BACH2: variants seen among roughly 807,000 people sequenced by gnomAD.
BACH2 encodes the protein transcription regulator protein BACH2.
A neutral mutation model predicts 61.8 loss-of-function variants in BACH2; 5 were observed. The ratio of observed to expected loss-of-function variants is 0.08; its 90% CI spans 0.04 to 0.17. BACH2 has a LOEUF of 0.17. Ranked by LOEUF, BACH2 falls within the 10% of genes least tolerant of loss-of-function variation. The pLI is 1.00. For synonymous variants in BACH2, 446 were observed against 440.1 expected, an observed-to-expected ratio of 1.01 and a Z score of -0.17; for missense variants, 824 against 1,091.1, an observed-to-expected ratio of 0.76 and a Z score of 3.45.
At chr6:90,107,434 T>G (rs1350299250) in intron 4 of BACH2, among the ~76,000 whole-genome samples, 3 of 152,068 alleles carry the variant, frequency 2.0e-5, no homozygotes, top group Non-Finnish European at 4.4e-5. Flanking sequence ...AACAATACAT[T>G]TGCCAATATA....
chr6:89,993,378 C>T (rs1562352747), intron 6 of BACH2, among the ~76,000 whole-genome samples: 1 of 151,944 alleles, frequency 6.6e-6, no homozygotes, highest in Non-Finnish European at 1.5e-5. Flanking sequence ...ATTTAGGGAG[C>T]AACTCTATAT....
intron 4 of BACH2, among the ~76,000 whole-genome samples, chr6:90,203,272 A>G (rs543248910): frequency 2.0e-5 from 3 of 149,670 alleles, no homozygotes; most frequent in East Asian, 4.0e-4. Flanking sequence ...TTAGCCAGGT[A>G]TGGTGGCACA....
intron 8 of BACH2, 105 bp from the exon 9 acceptor site, chr6:89,932,995 T>C (rs1772768056): frequency 1.6e-6 from 2 of 1,281,848 alleles, no homozygotes; most frequent in African/African-American, 1.5e-5. Context: ...TCCATTATAA[T>C]GTAACTCAAG....
chr6:90,106,070 T>C (rs761100630), intron 4 of BACH2, among the ~76,000 whole-genome samples: 1 of 152,202 alleles, frequency 6.6e-6, no homozygotes, highest in Non-Finnish European at 1.5e-5. Context: ...AATACATTTT[T>C]CTTTTTCTCT....
chr6:90,194,494 T>C (rs531320887), intron 4 of BACH2, among the ~76,000 whole-genome samples: 3 of 152,320 alleles, frequency 2.0e-5, no homozygotes, highest in Non-Finnish European at 4.4e-5. Flanking sequence ...GATCATAGCA[T>C]CTGGATTCAA....
intron 2 of BACH2, among the ~76,000 whole-genome samples, chr6:90,259,502 T>C (rs1604830): frequency 0.25 from 37,603 of 152,184 alleles, 5,582 homozygotes; most frequent in Non-Finnish European, 0.34. Context: ...TTTGCACCAA[T>C]ATTCATCAGA....
chr6:89,971,747 A>C (rs6917758), intron 6 of BACH2, among the ~76,000 whole-genome samples: 34,228 of 152,170 alleles, frequency 0.22, 4,364 homozygotes, highest in Non-Finnish European at 0.29. Context: ...ATGAGAGCCA[A>C]GCGAACAGGG....
chr6:90,014,944 A>ATTTTTTTTT (rs386407909), intron 5 of BACH2, among the ~76,000 whole-genome samples: 7 of 133,652 alleles, frequency 5.2e-5, no homozygotes, highest in African/African-American at 2.0e-4. Flanking sequence ...ATGTTCAGCT[A>ATTTTTTTTT]TTTTTTTTTT....
In BACH2 at chr6:89,951,722, G is replaced by A; in HGVS notation, c.384C>T (p.Phe128=). The change falls in exon 7 of 9, where the codon TTC becomes TTT. Residue 128 remains phenylalanine (F), a synonymous_variant. Transcript: ENST00000257749. This position sits in a 1 kb window ranked among gnomAD's most constrained non-coding sequence, Gnocchi z 6.4. The part of the protein sequence containing the change: ...MHNLEDSCFS[F]LQTQLLNSED... ...CACTGTTCAGGAGCTGGGTCTGCAG[G>A]AAGCTGAAGCAGGAGTCCTCCAGGT... is the stretch of plus-strand genomic sequence containing the variant. 6.2e-7 allele frequency: 1 copy of A among 1,614,238 alleles called. No homozygotes were observed. Among genetic ancestry groups the A allele is most frequent in the Non-Finnish European group, 8.5e-7 (1 of 1,180,050 alleles).
chr6:90,227,289 C>T (rs1465762522), intron 3 of BACH2, among the ~76,000 whole-genome samples: 2 of 152,232 alleles, frequency 1.3e-5, no homozygotes, highest in Admixed American at 6.5e-5. Context: ...CATGATCCCT[C>T]GGGCGGTATA....
intron 4 of BACH2, among the ~76,000 whole-genome samples, chr6:90,162,965 C>T (rs1582436270): frequency 6.6e-6 from 1 of 152,268 alleles, no homozygotes; most frequent in East Asian, 1.9e-4. Context: ...GAGAACTTTG[C>T]TACTCAAATA....
intron 6 of BACH2, among the ~76,000 whole-genome samples, chr6:89,967,243 C>T (rs974909635): frequency 6.6e-6 from 1 of 152,170 alleles, no homozygotes; most frequent in Admixed American, 6.5e-5. Flanking sequence ...TTATTTATAG[C>T]TCGTAACTGG....
At chr6:90,186,878 T>C (rs1206017849) in intron 4 of BACH2, among the ~76,000 whole-genome samples, 4 of 152,226 alleles carry the variant, frequency 2.6e-5, no homozygotes, top group African/African-American at 9.6e-5. Context: ...GTGTCAGAGC[T>C]GGAATTTGAA....
chr6:89,965,727 T>C (rs928934653), intron 6 of BACH2, among the ~76,000 whole-genome samples: 1 of 152,230 alleles, frequency 6.6e-6, no homozygotes, highest in Non-Finnish European at 1.5e-5. Context: ...AGTCATATTT[T>C]CCACCTGAAA....
At chr6:90,082,104 A>T (rs770446730) in intron 5 of BACH2, among the ~76,000 whole-genome samples, 32 of 152,350 alleles carry the variant, frequency 2.1e-4, no homozygotes, top group Non-Finnish European at 8.8e-5. Context: ...TCAGAATTTG[A>T]TTGGAGTTCA....
At chr6:90,038,315 C>A (rs911432842) in intron 5 of BACH2, among the ~76,000 whole-genome samples, 2 of 152,190 alleles carry the variant, frequency 1.3e-5, no homozygotes, top group Non-Finnish European at 2.9e-5. Flanking sequence ...CTCCTTCATG[C>A]CCCATCCCAG....
chr6:90,275,337 A>C (rs1200929200), intron 1 of BACH2, among the ~76,000 whole-genome samples: 1 of 152,162 alleles, frequency 6.6e-6, no homozygotes, highest in African/African-American at 2.4e-5. Context: ...CTTGAAAATT[A>C]TTTGGTTTCT....
intron 8 of BACH2, among the ~76,000 whole-genome samples, chr6:89,934,474 A>G (rs1461807018): frequency 3.3e-5 from 5 of 152,170 alleles, no homozygotes; most frequent in African/African-American, 1.2e-4. Flanking sequence ...CCTGGCCAAC[A>G]TGGTGAAACC....
chr6:90,028,749 C>T (rs997648874), intron 5 of BACH2, among the ~76,000 whole-genome samples: 11 of 152,044 alleles, frequency 7.2e-5, no homozygotes, highest in Admixed American at 2.0e-4. Flanking sequence ...CAAGGTAGTG[C>T]AGTGGTTGTG....
Sources: allele counts gnomAD v4.1 joint callset (sites outside exome capture counted in the v4.1 genomes callset), GRCh38; gene constraint gnomAD v4.1.1; non-coding constraint Gnocchi (gnomAD v3.1); transcripts MANE v1.5; gene names NCBI Gene and HGNC (gene_info 2026-07-23, HGNC 2026-07-21).